ZNF45: variants seen among roughly 807,000 people sequenced by gnomAD.
ZNF45 encodes zinc finger protein 45.
In ZNF45, 4 loss-of-function variants were observed where a neutral mutation model predicts 12.0. The observed-to-expected ratio is 0.33, with a 90% CI of 0.16 to 0.76. ZNF45 has a LOEUF of 0.76. Ranked by LOEUF, ZNF45 falls within the 30% of genes least tolerant of loss-of-function variation. The pLI, the probability that ZNF45 is intolerant of heterozygous loss-of-function variation, is 0.60. For missense variants in ZNF45, 700 were observed against 813.0 expected (o/e 0.86, Z 1.69); for synonymous variants, 272 against 279.6 (o/e 0.97, Z 0.27).
rs185399816 is a variant in ZNF45 at position 43,916,975 on chromosome 19, T to A, written c.236-1775A>T. 4.8e-3 allele frequency among the ~76,000 whole-genome samples: 737 copies of A among 152,340 alleles called. 5 individuals are homozygous for A. Among genetic ancestry groups the A allele is most frequent in the Middle Eastern group, 0.027 (8 of 294 alleles). On this transcript the variant is annotated intron_variant, in intron 9 of 9. Transcript: ENST00000269973. ...ATTTTTGTTCTCTGATTTTTCCTTT[T>A]TCAAGTAGGAGTCAATATTTAGAGC...
intron 9 of ZNF45, among the ~76,000 whole-genome samples, chr19:43,916,614 C>T (rs1972699842): frequency 6.6e-6 from 1 of 152,162 alleles, no homozygotes; most frequent in African/African-American, 2.4e-5. Context: ...TTATATCATT[C>T]ACCACTTTAT....
At chr19:43,922,559 G>A (rs1277502470) in intron 6 of ZNF45, among the ~76,000 whole-genome samples, 1 of 152,042 alleles carries the variant, frequency 6.6e-6, no homozygotes, top group African/African-American at 2.4e-5. Flanking sequence ...CCCCTCTGGA[G>A]CCAAATGCCT....
At chr19:43,932,922 G>A (rs1426901724) in intron 2 of ZNF45, among the ~76,000 whole-genome samples, 4 of 152,050 alleles carry the variant, frequency 2.6e-5, no homozygotes, top group Non-Finnish European at 5.9e-5. Flanking sequence ...CCTAACGCTC[G>A]GTATCTCAGA....
chr19:43,916,902 A>G (rs1017825966), intron 9 of ZNF45, among the ~76,000 whole-genome samples: 9 of 152,170 alleles, frequency 5.9e-5, no homozygotes, highest in African/African-American at 2.2e-4. Context: ...AAAAAAAATC[A>G]TAAGGCAGAA....
chr19:43,923,106 G>A (rs1973346703), intron 6 of ZNF45, among the ~76,000 whole-genome samples: 1 of 152,152 alleles, frequency 6.6e-6, no homozygotes, highest in Non-Finnish European at 1.5e-5. Context: ...GATTACAGGT[G>A]TGAGCCACCA....
chr19:43,914,495 C>G lies in ZNF45; in HGVS notation c.941G>C (p.Ser314Thr). The G allele has an allele frequency of 1.2e-6, 2 of 1,613,740 alleles. No individual in the cohort carries two copies. Among genetic ancestry groups the G allele is most frequent in the Non-Finnish European group, 1.7e-6 (2 of 1,179,714 alleles). Residue 314 changes from serine (S) to threonine (T), a missense_variant, in exon 10 of 10, where the codon AGT (serine) becomes ACT (threonine). Transcript: ENST00000269973. Reference protein sequence around the residue: ...YKCEECGKSFSWRSRLQAHER... With the variant: ...YKCEECGKSFTWRSRLQAHER... Reference sequence around the variant, plus strand: ...ATGAGCCTGCAGTCGTGAACGCCAACTGAAGCTCTTCCCACACTCTTCACA... The same window carrying G: ...ATGAGCCTGCAGTCGTGAACGCCAAGTGAAGCTCTTCCCACACTCTTCACA...
Position 43,918,865 on chromosome 19 carries a change from C to T in ZNF45, c.235+5G>A, listed in dbSNP as rs2146864100. On this transcript the variant is annotated splice_donor_5th_base_variant and intron_variant, in intron 9 of 9. Coordinates refer to ENST00000269973, the MANE Select transcript of ZNF45 (RefSeq NM_003425.4). ...AAATGTCCAGCAGCCCCAGCCCCTC[C>T]TCACCTGAGGAGTTATCTCTCTGGG... 1 of 1,613,376 alleles carries T rather than the reference C, an allele frequency of 6.2e-7. No individual in the cohort carries two copies. The highest frequency in any genetic ancestry group is 8.5e-7 in the Non-Finnish European group (1 of 1,179,328).
chr19:43,914,520 A>G lies in ZNF45; in HGVS notation c.916T>C (p.Cys306Arg). Residue 306 changes from cysteine (C) to arginine (R), a missense_variant, in exon 10 of 10, where the codon TGT (cysteine) becomes CGT (arginine). By Grantham distance (180) the Cys-to-Arg change is radical. Coordinates refer to ENST00000269973, the MANE Select transcript of ZNF45 (RefSeq NM_003425.4). ...CTGAAGCTCTTCCCACACTCTTCAC[A>G]CTTATATGGTTTCTTTCCAGTGTGA... ...KVHTGKKPYKCEECGKSFSWR... is the reference protein window; with the variant it reads ...KVHTGKKPYKREECGKSFSWR... 6.2e-7 allele frequency: 1 copy of G among 1,612,712 alleles called. No homozygotes were observed. The highest frequency in any genetic ancestry group is 8.5e-7 in the Non-Finnish European group (1 of 1,178,978).
chr19:43,912,929 G>A lies in ZNF45; in HGVS notation c.*458C>T, dbSNP rs1035478455. 3 of 154,018 alleles carry A rather than the reference G, an allele frequency of 1.9e-5. No individual in the cohort carries two copies. Among genetic ancestry groups the A allele is most frequent in the African/African-American group, 7.2e-5 (3 of 41,400 alleles). 9.5% of individuals were successfully genotyped at this position (154,018 alleles called of 1,614,324 possible). On this transcript the variant is annotated 3_prime_UTR_variant, in exon 10 of 10. Transcript: ENST00000269973. ...TATGACTAACTTATATATCCTCCAA[G>A]CCTTGCAGAATTCTTCTGAGTACAA...
Position 43,934,436 on chromosome 19 carries a change from T to G in ZNF45, c.-497A>C, listed in dbSNP as rs1159359708. 6.6e-6 allele frequency: 1 copy of G among 152,196 alleles called. No individual in the cohort carries two copies. The highest frequency in any genetic ancestry group is 1.9e-4 in the East Asian group (1 of 5,194). The allele number at this position is 152,196 out of a possible 1,614,324, so 9.4% of individuals were successfully genotyped here. On this transcript the variant is annotated 5_prime_UTR_variant, in exon 2 of 10. Coordinates refer to ENST00000269973, the MANE Select transcript of ZNF45 (RefSeq NM_003425.4). Reference sequence around the variant, plus strand: ...CAAGGAATGAAATACCTTCTCGCACTCGGAACAGAAGAGGAAGGTGAATGC... The same window carrying G: ...CAAGGAATGAAATACCTTCTCGCACGCGGAACAGAAGAGGAAGGTGAATGC...
intron 3 of ZNF45, chr19:43,931,196 A>G (rs748030640): frequency 6.6e-6 from 1 of 152,228 alleles, no homozygotes; most frequent in Admixed American, 6.5e-5. Context: ...GAATTAAAGT[A>G]TCCATAGAAA....
chr19:43,927,730 A>G (rs986289060), intron 3 of ZNF45, among the ~76,000 whole-genome samples: 1 of 152,228 alleles, frequency 6.6e-6, no homozygotes, highest in African/African-American at 2.4e-5. Context: ...CATGTAATTC[A>G]GCCCTGAAGA....
chr19:43,917,813 T>C (rs893853614), intron 9 of ZNF45, among the ~76,000 whole-genome samples: 1 of 152,160 alleles, frequency 6.6e-6, no homozygotes, highest in African/African-American at 2.4e-5. Context: ...AATGTGACTT[T>C]TTTTGGTCTT....
intron 3 of ZNF45, 119 bp downstream of exon 3, chr19:43,932,485 C>G (rs1034068460): frequency 2.0e-5 from 3 of 152,206 alleles, no homozygotes; most frequent in African/African-American, 7.2e-5. Context: ...GATTCTACAG[C>G]CCACCAAACG....
chr19:43,923,783 C>T (rs566147422), intron 6 of ZNF45, among the ~76,000 whole-genome samples: 25 of 152,098 alleles, frequency 1.6e-4, no homozygotes, highest in Non-Finnish European at 2.8e-4. Flanking sequence ...CTGATAACCA[C>T]GTTATCTCTA....
intron 3 of ZNF45, among the ~76,000 whole-genome samples, 196 bp from the exon 4 acceptor site, chr19:43,925,654 C>T (rs561901565): frequency 2.6e-5 from 4 of 152,240 alleles, no homozygotes; most frequent in South Asian, 2.1e-4. Flanking sequence ...TGGAGTCTTG[C>T]GCTGTGGCCC....
At chr19:43,932,035 T>C (rs555257959) in intron 3 of ZNF45, among the ~76,000 whole-genome samples, 3 of 152,170 alleles carry the variant, frequency 2.0e-5, no homozygotes, top group Non-Finnish European at 2.9e-5. Flanking sequence ...AGAATCTCCA[T>C]GTGATAAATA....
At chr19:43,916,263 C>T (rs538127703) in intron 9 of ZNF45, among the ~76,000 whole-genome samples, 2 of 152,008 alleles carry the variant, frequency 1.3e-5, no homozygotes, top group Non-Finnish European at 2.9e-5. Flanking sequence ...TACAGAAGCA[C>T]ACCATCACAC....
chr19:43,926,724 T>A (rs1973710816), intron 3 of ZNF45, among the ~76,000 whole-genome samples: 1 of 152,202 alleles, frequency 6.6e-6, no homozygotes, highest in Non-Finnish European at 1.5e-5. Flanking sequence ...ATGCAGGGGT[T>A]CTACACAAAC....
Sources: allele counts gnomAD v4.1 joint callset (sites outside exome capture counted in the v4.1 genomes callset), GRCh38; gene constraint gnomAD v4.1.1; transcripts MANE v1.5; gene names NCBI Gene and HGNC (gene_info 2026-07-23, HGNC 2026-07-21).